Variants in GLI3 observed in about 807,000 individuals in gnomAD.
The protein encoded by GLI3 is transcription activator GLI3.
GLI3 carries 20 observed loss-of-function variants against 100.8 expected under a neutral mutation model. The ratio of observed to expected loss-of-function variants is 0.20; its 90% confidence interval spans 0.14 to 0.29. The LOEUF (loss-of-function observed/expected upper bound fraction) is 0.29. Among genes scored for constraint, GLI3 ranks in the 10% least tolerant of loss-of-function variants. GLI3 has a pLI of 1.00. For synonymous variants in GLI3, 938 were observed against 860.5 expected (o/e 1.09, Z -1.58); for missense variants, 2,040 against 2,128.5 (o/e 0.96, Z 0.82).
rs371464477 is a variant in GLI3, at chr7:41,964,688, A to G, written c.4385T>C (p.Ile1462Thr). 9 of 1,614,034 alleles carry G rather than the reference A, an allele frequency of 5.6e-6. No homozygotes were observed. The highest frequency in any genetic ancestry group is 5.5e-5 in the South Asian group (5 of 91,084). Reference protein sequence around the residue: ...QQDTKAGSFSISDASCLLQGT... With the variant: ...QQDTKAGSFSTSDASCLLQGT... ...CTGTAGCAGGCAGCTGGCGTCTGAA[A>G]TAGAGAATGAACCAGCTTTCGTGTC... The change falls in exon 15 of 15, where the codon ATT becomes ACT. Residue 1462 changes from isoleucine (I) to threonine (T), a missense_variant. Ile to Thr is a moderately conservative substitution (Grantham distance 89, BLOSUM62 -1). Coordinates refer to ENST00000395925, the MANE Select transcript of GLI3 (RefSeq NM_000168.6).
rs564120180 is a variant in GLI3, at chr7:41,962,000, G to A, written c.*2330C>T. Reference sequence around the variant, plus strand: ...AAAAAAAAGAAATAAAAGAAGAATAGGGGAAACCCAGAAAATAACCTGAAA... The same window carrying A: ...AAAAAAAAGAAATAAAAGAAGAATAAGGGAAACCCAGAAAATAACCTGAAA... On this transcript the variant is annotated 3_prime_UTR_variant, in exon 15 of 15. Transcript: ENST00000395925. 1.3e-5 allele frequency: 2 copies of A among 152,224 alleles called. No individual in the cohort carries two copies. Among genetic ancestry groups the A allele is most frequent in the South Asian group, 4.2e-4 (2 of 4,812 alleles). 9.4% of individuals were successfully genotyped at this position (152,224 alleles called of 1,614,324 possible). A position where few individuals can be genotyped will look rare whatever the true frequency, so the allele number is the denominator to read the frequency against.
intron 3 of GLI3, among the ~76,000 whole-genome samples, chr7:42,131,007 T>C (rs1348444325): frequency 6.6e-6 from 1 of 152,140 alleles, no homozygotes; most frequent in African/African-American, 2.4e-5. Flanking sequence ...CCTTTTAAGT[T>C]AGAATTCTAA....
At chr7:42,064,546 T>C (rs1784636047) in intron 4 of GLI3, among the ~76,000 whole-genome samples, 1 of 152,232 alleles carries the variant, frequency 6.6e-6, no homozygotes. Flanking sequence ...TGTTTGAGTT[T>C]GCTGGAATTA....
At chr7:42,028,447 G>A (rs192804285) in intron 7 of GLI3, among the ~76,000 whole-genome samples, 25 of 152,256 alleles carry the variant, frequency 1.6e-4, no homozygotes, top group Admixed American at 7.2e-4. Context: ...ATTCACAGAC[G>A]GATAAGGGAA....
chr7:42,237,880 G>A (rs922771113), upstream of GLI3: 2 of 149,488 alleles, frequency 1.3e-5, no homozygotes, highest in Non-Finnish European at 3.0e-5. Context: ...TGCGAGGCGG[G>A]CGGCGGCGGC....
chr7:42,063,496 A>G (rs761797441), intron 4 of GLI3, among the ~76,000 whole-genome samples: 1 of 152,202 alleles, frequency 6.6e-6, no homozygotes, highest in African/African-American at 2.4e-5. Context: ...CACATGTACA[A>G]AAAAGGGAAA....
At chr7:42,226,644 CTAAT>C (rs1788587349) in intron 1 of GLI3, among the ~76,000 whole-genome samples, 1 of 152,112 alleles carries the variant, frequency 6.6e-6, no homozygotes, top group Admixed American at 6.5e-5. Flanking sequence ...TAGTTAGTAC[CTAAT>C]TATTTAAAAG....
chr7:42,121,604 C>A (rs1454728736), intron 3 of GLI3, among the ~76,000 whole-genome samples: 2 of 152,112 alleles, frequency 1.3e-5, no homozygotes, highest in Non-Finnish European at 2.9e-5. Context: ...TTGGTCTTTG[C>A]CTACTTTTCC....
chr7:42,183,366 A>T (rs1431349336), intron 2 of GLI3, among the ~76,000 whole-genome samples: 1 of 152,224 alleles, frequency 6.6e-6, no homozygotes. Flanking sequence ...GCAACAGGCT[A>T]AATGCTGATG....
chr7:41,988,741 G>C (rs73320228), intron 10 of GLI3, among the ~76,000 whole-genome samples: 8,057 of 152,184 alleles, frequency 0.053, 344 homozygotes, highest in African/African-American at 0.11. Context: ...TTTTGTTATC[G>C]CAACAGAAAC....
Position 41,972,951 on chromosome 7 carries a change from T to C in GLI3, c.1813-324A>G, listed in dbSNP as rs184782752. On this transcript the variant is annotated intron_variant, in intron 12 of 14. Transcript: ENST00000395925. This position sits in a 1 kb window ranked among gnomAD's most constrained non-coding sequence, Gnocchi z 4.4. ...TCACGGTGCCATAATAGGCACTCAA[T>C]AGATATTTGATGATGATGATGATGA... 9.2e-3 allele frequency among the ~76,000 whole-genome samples: 1,395 copies of C among 152,134 alleles called. 24 individuals carry two copies. Among genetic ancestry groups the C allele is most frequent in the African/African-American group, 0.032 (1,328 of 41,434 alleles).
At chr7:41,967,509 A>G in intron 14 of GLI3, 87 bp downstream of exon 14, 1 of 924,538 alleles carries the variant, frequency 1.1e-6, no homozygotes, top group Non-Finnish European at 1.7e-6. Flanking sequence ...CTGGTGGAGA[A>G]ACTAGCAAAC....
intron 2 of GLI3, among the ~76,000 whole-genome samples, chr7:42,195,031 C>T (rs562369553): frequency 1.1e-4 from 17 of 151,982 alleles, no homozygotes; most frequent in Admixed American, 5.9e-4. Flanking sequence ...CCTCCCAAAG[C>T]GCTGGGATTA....
At chr7:42,142,699 T>C (rs1376683696) in intron 3 of GLI3, among the ~76,000 whole-genome samples, 1 of 151,930 alleles carries the variant, frequency 6.6e-6, no homozygotes, top group Non-Finnish European at 1.5e-5. Flanking sequence ...TTGCTCCAAG[T>C]TGTCTTGCAA....
intron 2 of GLI3, among the ~76,000 whole-genome samples, chr7:42,186,071 G>A (rs2128685438): frequency 6.6e-6 from 1 of 152,282 alleles, no homozygotes; most frequent in East Asian, 1.9e-4. Context: ...TTAAAACGTG[G>A]CTCAGCATAT....
At chr7:42,004,926 TATC>T (rs1788408709) in intron 10 of GLI3, among the ~76,000 whole-genome samples, 1 of 152,212 alleles carries the variant, frequency 6.6e-6, no homozygotes, top group South Asian at 2.1e-4. Context: ...TTAAAAATTA[TATC>T]TGAAAGGAAC....
intron 1 of GLI3, among the ~76,000 whole-genome samples, chr7:42,236,701 T>TC (rs1173975179): frequency 1.3e-5 from 2 of 151,804 alleles, no homozygotes; most frequent in East Asian, 1.9e-4. Flanking sequence ...GCAAACTTCG[T>TC]CCCCCCTCCG....
intron 2 of GLI3, among the ~76,000 whole-genome samples, chr7:42,149,242 G>A (rs1786797473): frequency 6.6e-6 from 1 of 152,166 alleles, no homozygotes; most frequent in Non-Finnish European, 1.5e-5. Flanking sequence ...GAAGGTGTGG[G>A]GGATGTTGAT....
intron 3 of GLI3, among the ~76,000 whole-genome samples, chr7:42,121,618 C>T (rs1786002123): frequency 6.6e-6 from 1 of 152,128 alleles, no homozygotes; most frequent in Non-Finnish European, 1.5e-5. Context: ...CTTTTCCTTC[C>T]ATCTGATGTC....
Sources: allele counts gnomAD v4.1 joint callset (sites outside exome capture counted in the v4.1 genomes callset), GRCh38; gene constraint gnomAD v4.1.1; non-coding constraint Gnocchi (gnomAD v3.1); transcripts MANE v1.5; gene names NCBI Gene and HGNC (gene_info 2026-07-23, HGNC 2026-07-21).